The following NLK variants were observed in gnomAD, a reference collection of about 807,000 sequenced individuals.
NLK encodes serine/threonine-protein kinase NLK.
NLK carries 11 observed loss-of-function variants against 59.0 expected under a neutral mutation model. The observed-to-expected ratio is 0.19, with a 90% CI of 0.12 to 0.31. NLK has a LOEUF of 0.31. Ranked by LOEUF, NLK falls within the 10% of genes least tolerant of loss-of-function variation. The pLI is 1.00. For missense variants in NLK, 410 were observed against 661.1 expected (o/e 0.62, Z 4.16); for synonymous variants, 235 against 235.9 (o/e 1.00, Z 0.03).
intron 1 of NLK, among the ~76,000 whole-genome samples, chr17:28,085,140 A>G (rs1048805740): frequency 3.3e-5 from 5 of 152,196 alleles, no homozygotes; most frequent in African/African-American, 9.7e-5. Context: ...CTTTATTTCA[A>G]GTGCCCAAGA....
intron 1 of NLK, among the ~76,000 whole-genome samples, chr17:28,081,078 C>T (rs966950385): frequency 1.3e-5 from 2 of 150,810 alleles, no homozygotes; most frequent in African/African-American, 2.4e-5. Flanking sequence ...TTTGTAAGGA[C>T]AGAGTTTCAC....
chr17:28,161,396 A>G (rs956449571), intron 4 of NLK, 130 bp downstream of exon 4: 10 of 562,444 alleles, frequency 1.8e-5, no homozygotes, highest in Admixed American at 1.2e-4. Flanking sequence ...TGACCAAAGC[A>G]TATTTTATAA....
intron 8 of NLK, among the ~76,000 whole-genome samples, chr17:28,185,572 A>G (rs1909084547): frequency 6.6e-6 from 1 of 152,132 alleles, no homozygotes; most frequent in African/African-American, 2.4e-5. Context: ...GTTTTGAGAC[A>G]AGGTCTTGCT....
chr17:28,179,180 A>G (rs1312930519), intron 7 of NLK, among the ~76,000 whole-genome samples: 1 of 152,158 alleles, frequency 6.6e-6, no homozygotes, highest in Admixed American at 6.5e-5. Context: ...AAAGGAGGAA[A>G]TTTAACATGT....
intron 8 of NLK, among the ~76,000 whole-genome samples, chr17:28,189,251 G>T (rs1218967983): frequency 6.6e-6 from 1 of 152,170 alleles, no homozygotes; most frequent in Non-Finnish European, 1.5e-5. Context: ...CAGGCCAGAT[G>T]CACCAATGAC....
intron 1 of NLK, among the ~76,000 whole-genome samples, chr17:28,047,459 C>T (rs745846721): frequency 6.6e-6 from 1 of 152,184 alleles, no homozygotes; most frequent in African/African-American, 2.4e-5. Flanking sequence ...AAATAATACA[C>T]ATTTGTATGG....
chr17:28,084,207 G>A (rs996654770), intron 1 of NLK, among the ~76,000 whole-genome samples: 2 of 152,160 alleles, frequency 1.3e-5, no homozygotes, highest in Non-Finnish European at 1.5e-5. Flanking sequence ...TTCCTCATCT[G>A]CAAAGTGAAA....
At chr17:28,167,169 C>T (rs926506672) in intron 5 of NLK, among the ~76,000 whole-genome samples, 11 of 152,142 alleles carry the variant, frequency 7.2e-5, no homozygotes, top group Admixed American at 4.6e-4. Context: ...TCAAGATACA[C>T]CCCTTTATCT....
In NLK at chr17:28,087,958, A is replaced by G. The variant is rs544587978; in HGVS notation, c.459-34645A>G. On this transcript the variant is annotated intron_variant, in intron 1 of 10. Coordinates refer to ENST00000407008, the MANE Select transcript of NLK (RefSeq NM_016231.5). ...GTCACCAAAGGAGGAAAGGCTAGAG[A>G]AATAAAAAGGTTGAACTTTGAGAAT... 1.8e-4 allele frequency among the ~76,000 whole-genome samples: 28 copies of G among 152,300 alleles called. 1 individual carries two copies. In the South Asian group the frequency reaches 5.8e-3, roughly 32 times the overall value.
intron 1 of NLK, among the ~76,000 whole-genome samples, chr17:28,056,159 T>C (rs1021606329): frequency 3.3e-5 from 5 of 152,260 alleles, no homozygotes; most frequent in Non-Finnish European, 7.3e-5. Flanking sequence ...GTTGGGATCA[T>C]GATCACACTG....
rs111637599 is a variant in NLK, at chr17:28,158,355, C to T, written c.645-2805C>T. 7.6e-3 allele frequency among the ~76,000 whole-genome samples: 1,153 copies of T among 152,196 alleles called. 18 individuals are homozygous for T. The highest frequency in any genetic ancestry group is 0.026 in the African/African-American group (1,082 of 41,514). ...GTACACCTGTATAGGGCACTTAACACGAATGGAGCTTGCAAGACTGGAAGT... is the reference window on the plus strand; with the variant it reads ...GTACACCTGTATAGGGCACTTAACATGAATGGAGCTTGCAAGACTGGAAGT... On this transcript the variant is annotated intron_variant, in intron 3 of 10. Coordinates refer to ENST00000407008, the MANE Select transcript of NLK (RefSeq NM_016231.5).
rs1413476027 is a variant in NLK at position 28,042,987 on chromosome 17, CCCT to C, written c.122_124del (p.Pro41del). Reference sequence around the variant, plus strand: ...ACCATCACCACCACCTTCCACACCTCCCTCCTCCTCACCTGCACCACCACCACC... The same window carrying C: ...ACCATCACCACCACCTTCCACACCTCCCTCCTCACCTGCACCACCACCACC... On this transcript the variant is annotated inframe_deletion, in exon 1 of 11. Transcript: ENST00000407008. 1.3e-6 allele frequency: 2 copies of C among 1,557,138 alleles called. No individual in the cohort carries two copies. Among genetic ancestry groups the C allele is most frequent in the Non-Finnish European group, 1.7e-6 (2 of 1,149,814 alleles).
intron 1 of NLK, among the ~76,000 whole-genome samples, chr17:28,110,076 A>C (rs1417617564): frequency 6.6e-6 from 1 of 152,204 alleles, no homozygotes; most frequent in Non-Finnish European, 1.5e-5. Flanking sequence ...AATCTTCTCT[A>C]ATTTATCTCA....
At chr17:28,053,974 T>G (rs955640110) in intron 1 of NLK, among the ~76,000 whole-genome samples, 13 of 152,334 alleles carry the variant, frequency 8.5e-5, no homozygotes, top group African/African-American at 2.6e-4. Flanking sequence ...ACATGCAGCC[T>G]GGTGCAGAGG....
At chr17:28,111,898 TG>T (rs1905523831) in intron 1 of NLK, among the ~76,000 whole-genome samples, 2 of 68,852 alleles carry the variant, frequency 2.9e-5, no homozygotes, top group African/African-American at 5.9e-5. Context: ...GTGTGTGTGG[TG>T]TGTGTGTGTG....
intron 1 of NLK, chr17:28,062,086 T>C (rs1021717224): frequency 4.0e-5 from 6 of 151,596 alleles, no homozygotes; most frequent in African/African-American, 9.7e-5. Flanking sequence ...CCATGTACTT[T>C]AGTGGGGAAA....
At chr17:28,173,542 A>G (rs1468674504) in intron 7 of NLK, among the ~76,000 whole-genome samples, 1 of 152,224 alleles carries the variant, frequency 6.6e-6, no homozygotes, top group Non-Finnish European at 1.5e-5. Flanking sequence ...ATAAAGGGCA[A>G]TGAGGTAAAG....
chr17:28,072,948 G>C (rs910722708), intron 1 of NLK, among the ~76,000 whole-genome samples: 1 of 151,364 alleles, frequency 6.6e-6, no homozygotes, highest in Non-Finnish European at 1.5e-5. Flanking sequence ...TTGTTTCTTT[G>C]GTGATTTTGT....
chr17:28,086,870 A>T lies in NLK; in HGVS notation c.459-35733A>T, dbSNP rs200970564. Among the ~76,000 whole-genome samples, 235 of 150,900 alleles carry T rather than the reference A, an allele frequency of 1.6e-3. 4 individuals carry two copies. The highest frequency in any genetic ancestry group is 6.9e-3 in the Middle Eastern group (2 of 290). ...AACGAGACCTCATCTCTTAAAAAAA[A>T]ATATATACATATATATATATTTTAT... On this transcript the variant is annotated intron_variant, in intron 1 of 10. Coordinates refer to ENST00000407008, the MANE Select transcript of NLK (RefSeq NM_016231.5).
Sources: gnomAD v4.1 joint callset for allele counts (sites outside exome capture counted in the v4.1 genomes callset) on GRCh38, gnomAD v4.1.1 for gene constraint, MANE v1.5 for transcripts, NCBI Gene and HGNC (gene_info 2026-07-23, HGNC 2026-07-21) for gene names.